CASP2: variants seen among roughly 807,000 people sequenced by gnomAD.
CASP2 encodes the protein caspase 2, also known as caspase-2.
CASP2 carries 38 observed loss-of-function variants against 54.4 expected under a neutral mutation model. That is an observed-to-expected ratio of 0.70 (90% CI 0.54 to 0.92). CASP2 has a LOEUF of 0.92. Ranked by LOEUF, CASP2 falls within the 40% of genes least tolerant of loss-of-function variation. CASP2 has a pLI of 0.00. For missense variants in CASP2, 512 were observed against 579.6 expected, an observed-to-expected ratio of 0.88 and a Z score of 1.20; for synonymous variants, 215 against 216.3, an observed-to-expected ratio of 0.99 and a Z score of 0.05.
intron 8 of CASP2, chr7:143,303,542 G>T (rs1801981534): frequency 2.2e-6 from 1 of 453,886 alleles, no homozygotes; most frequent in East Asian, 4.3e-5. Context: ...CAACCGCATA[G>T]ATGTGCATGT....
intron 8 of CASP2, 173 bp downstream of exon 8, chr7:143,300,467 T>A (rs1441882696): frequency 1.3e-6 from 2 of 1,595,080 alleles, no homozygotes; most frequent in Admixed American, 3.3e-5. Flanking sequence ...GCATGGGGTG[T>A]GCTGGGACTT....
intron 8 of CASP2, 169 bp from the exon 9 acceptor site, chr7:143,303,615 G>C: frequency 1.7e-6 from 1 of 594,898 alleles, no homozygotes; most frequent in Middle Eastern, 4.5e-4. Context: ...TGCTGAGAGA[G>C]TAATAATTTT....
At chr7:143,294,425 T>C in intron 5 of CASP2, 101 bp downstream of exon 5, 2 of 1,058,066 alleles carry the variant, frequency 1.9e-6, no homozygotes, top group Non-Finnish European at 2.9e-6. Context: ...TTCTGCCTTA[T>C]TAGTCAGAAA....
rs1177916230 is a variant in CASP2 at position 143,292,444 on chromosome 7, G to A, written c.370G>A (p.Gly124Arg). 3.7e-6 allele frequency: 6 copies of A among 1,613,924 alleles called. No individual in the cohort carries two copies. The East Asian group carries it at 8.9e-5, about 24-fold the overall frequency. ...LEDMLLTTLSGLQHVLPPLSC... is the reference protein window; with the variant it reads ...LEDMLLTTLSRLQHVLPPLSC... ...GGATATGTTGCTCACCACCCTTTCT[G>A]GGCTTCAGCATGTACTCCCACCGGT... Residue 124 changes from glycine (G) to arginine (R), a missense_variant, in exon 3 of 11, where the codon GGG becomes AGG. Physicochemically the swap from Gly to Arg is moderately radical, Grantham distance 125 (BLOSUM62 -2). Around this residue, in one of 3 missense-constraint regions of CASP2, gnomAD observed 417 missense variants for 495.4 expected, o/e 0.84. Transcript: ENST00000310447.
At chr7:143,294,834 G>T in intron 6 of CASP2, 61 bp downstream of exon 6, 1 of 1,439,700 alleles carries the variant, frequency 6.9e-7, no homozygotes, top group East Asian at 2.3e-5. Context: ...TTTGGGACCA[G>T]AGACATCGTT....
In CASP2 at chr7:143,294,285, G is replaced by A. The variant is rs200880743; in HGVS notation, c.531G>A (p.Lys177=). ...ATGGTCCTGTCTGCCTTCAGGTGAA[G>A]CCTTGCACTCCTGAATTTTATCAAA... ...NKDGPVCLQV[K]PCTPEFYQTH... The change falls in exon 5 of 11, where the codon AAG becomes AAA. Residue 177 remains lysine (K), a synonymous_variant. Coordinates refer to ENST00000310447, the MANE Select transcript of CASP2 (RefSeq NM_032982.4). 6.2e-7 allele frequency: 1 copy of A among 1,612,418 alleles called. No individual in the cohort carries two copies. The highest frequency in any genetic ancestry group is 1.1e-5 in the South Asian group (1 of 91,054).
chr7:143,289,250 C>T (rs1266279223), intron 1 of CASP2, among the ~76,000 whole-genome samples: 1 of 152,212 alleles, frequency 6.6e-6, no homozygotes, highest in African/African-American at 2.4e-5. Flanking sequence ...TCCTCCCCTT[C>T]CAGTTGTGTC....
chr7:143,300,549 C>T (rs1801885898), intron 8 of CASP2: 11 of 1,518,256 alleles, frequency 7.2e-6, no homozygotes, highest in South Asian at 1.2e-5. Context: ...TCTCTTATCC[C>T]GTGTCTTTGC....
At chr7:143,293,381 G>T (rs1001870461) in intron 4 of CASP2, among the ~76,000 whole-genome samples, 1 of 152,110 alleles carries the variant, frequency 6.6e-6, no homozygotes, top group Admixed American at 6.5e-5. Context: ...TTCCGCCTTG[G>T]CCTCCCAAAG....
Position 143,305,843 on chromosome 7 carries a change from G to A in CASP2, c.*772G>A, listed in dbSNP as rs1802047277. ...GCATCAGAGAAGGCCAGGAAGAATG[G>A]TGTGTTTCCCTAGACTCTGTAACCA... On this transcript the variant is annotated 3_prime_UTR_variant, in exon 11 of 11. Coordinates refer to ENST00000310447, the MANE Select transcript of CASP2 (RefSeq NM_032982.4). 1 of 153,342 alleles carries A rather than the reference G, an allele frequency of 6.5e-6. No individual in the cohort carries two copies. Among genetic ancestry groups the A allele is most frequent in the African/African-American group, 2.4e-5 (1 of 41,448 alleles). 9.5% of individuals were successfully genotyped at this position (153,342 alleles called of 1,614,324 possible).
chr7:143,303,442 TGAGTTGTGG>T, intron 8 of CASP2: 1 of 203,756 alleles, frequency 4.9e-6, no homozygotes, highest in Non-Finnish European at 1.0e-5. Flanking sequence ...ATTGAACAAG[TGAGTTGTGG>T]ACTTAGATGA....
chr7:143,296,178 C>T (rs1158146791), intron 6 of CASP2, among the ~76,000 whole-genome samples: 2 of 152,202 alleles, frequency 1.3e-5, no homozygotes, highest in African/African-American at 2.4e-5. Flanking sequence ...TTTATGAGCT[C>T]ACTTCATAAA....
chr7:143,300,140 G>A, intron 7 of CASP2, 64 bp from the exon 8 acceptor site: 1 of 1,611,592 alleles, frequency 6.2e-7, no homozygotes. Flanking sequence ...ACTGTTGCAT[G>A]TGTAGGACTT....
At chr7:143,296,860 A>T (rs554820729) in intron 6 of CASP2, among the ~76,000 whole-genome samples, 2 of 152,332 alleles carry the variant, frequency 1.3e-5, no homozygotes, top group Admixed American at 6.5e-5. Flanking sequence ...ATAGTGCTGC[A>T]GTGAACATGG....
intron 6 of CASP2, among the ~76,000 whole-genome samples, chr7:143,296,787 G>T (rs184580986): frequency 3.3e-4 from 50 of 151,560 alleles, no homozygotes; most frequent in Non-Finnish European, 1.0e-4. Context: ...TCTTACTTAA[G>T]AGAGGAATTC....
intron 8 of CASP2, 111 bp from the exon 9 acceptor site, chr7:143,303,673 G>A: frequency 1.1e-6 from 1 of 895,954 alleles, no homozygotes; most frequent in Non-Finnish European, 1.8e-6. Context: ...GCAACAGCTG[G>A]AAATGGCTCT....
At chr7:143,296,012 C>G (rs1415182556) in intron 6 of CASP2, among the ~76,000 whole-genome samples, 9 of 152,118 alleles carry the variant, frequency 5.9e-5, no homozygotes, top group African/African-American at 4.8e-5. Flanking sequence ...TTTGGTCTAG[C>G]CATGTCTTTT....
At position 143,289,957 on chromosome 7, in the gene CASP2, C is replaced by A. The variant is rs1020701178; in HGVS notation, c.74+1428C>A. 3.9e-5 allele frequency among the ~76,000 whole-genome samples: 6 copies of A among 151,966 alleles called. No homozygotes were observed. The South Asian group carries it at 1.2e-3, about 32-fold the overall frequency. On this transcript the variant is annotated intron_variant, in intron 1 of 10. Transcript: ENST00000310447. ...AGGACCCAGCTCTTCCCTCTTCTAA[C>A]TATAAATCTCTCACCCAATAGCATC...
chr7:143,300,679 C>T lies in CASP2; in HGVS notation c.967+385C>T, dbSNP rs566204823. ...CTTTTTCCTGTCCTTCTTATTTTAT[C>T]TCCTTTCTTTCACTCTTTGTTCTTT... On this transcript the variant is annotated intron_variant, in intron 8 of 10. Coordinates refer to ENST00000310447, the MANE Select transcript of CASP2 (RefSeq NM_032982.4). 26 of 1,220,204 alleles carry T rather than the reference C, an allele frequency of 2.1e-5. No individual in the cohort carries two copies. The African/African-American group carries it at 3.8e-4, about 18-fold the overall frequency. The allele number at this position is 1,220,204 out of a possible 1,614,324, so 75.6% of individuals were successfully genotyped here. A position where few individuals can be genotyped will look rare whatever the true frequency, so the allele number is the denominator to read the frequency against.
Sources: allele counts gnomAD v4.1 joint callset (sites outside exome capture counted in the v4.1 genomes callset), GRCh38; gene constraint gnomAD v4.1.1; regional missense constraint gnomAD v4.1.1; transcripts MANE v1.5; gene names NCBI Gene and HGNC (gene_info 2026-07-23, HGNC 2026-07-21).